The following PLCL2 variants were observed in gnomAD, a reference collection of about 807,000 sequenced individuals.
PLCL2 encodes phospholipase C like 2.
PLCL2 carries 4 observed loss-of-function variants against 79.6 expected under a neutral mutation model. That is an observed-to-expected ratio of 0.05 (90% CI 0.02 to 0.11). The LOEUF (loss-of-function observed/expected upper bound fraction) is 0.11, where lower values mean the gene tolerates loss of function less well. PLCL2 is among the 10% of genes least tolerant of loss of function. The pLI is 1.00. For missense variants in PLCL2, 895 were observed against 1,291.0 expected, an observed-to-expected ratio of 0.69 and a Z score of 4.70; for synonymous variants, 484 against 457.7, an observed-to-expected ratio of 1.06 and a Z score of -0.73.
intron 3 of PLCL2, among the ~76,000 whole-genome samples, chr3:17,031,862 GT>G (rs2064586176): frequency 6.9e-6 from 1 of 145,084 alleles, no homozygotes; most frequent in Non-Finnish European, 1.5e-5. Flanking sequence ...TTTCTGGATA[GT>G]TTTATAATTG....
At chr3:17,006,959 C>T (rs554384599) in intron 1 of PLCL2, among the ~76,000 whole-genome samples, 2 of 152,184 alleles carry the variant, frequency 1.3e-5, no homozygotes, top group East Asian at 3.9e-4. Context: ...TATTAATCAG[C>T]CTGTAAAAAT....
intron 4 of PLCL2, among the ~76,000 whole-genome samples, chr3:17,050,032 A>G (rs2064823435): frequency 6.6e-6 from 1 of 152,156 alleles, no homozygotes; most frequent in Admixed American, 6.6e-5. Context: ...AAATCCACAC[A>G]CCTACAATGA....
chr3:17,082,165 CAG>C (rs2065169397), intron 5 of PLCL2, among the ~76,000 whole-genome samples: 1 of 83,590 alleles, frequency 1.2e-5, no homozygotes. Context: ...TTTTTTGAGA[CAG>C]AGTTTTGTTC....
chr3:16,887,631 A>G lies in PLCL2; in HGVS notation c.327+2265A>G, dbSNP rs1217405215. On this transcript the variant is annotated intron_variant, in intron 1 of 5. Transcript: ENST00000615277. This position sits in a 1 kb window ranked among gnomAD's most constrained non-coding sequence, Gnocchi z 4.1. ...TCCCTTTGAATTGGTGCCTTGAAGCATCAAGATTTTTGGAATGTATTGTGG... is the reference window on the plus strand; with the variant it reads ...TCCCTTTGAATTGGTGCCTTGAAGCGTCAAGATTTTTGGAATGTATTGTGG... Among the ~76,000 whole-genome samples, 1 of 152,220 alleles carries G rather than the reference A, an allele frequency of 6.6e-6. No individual in the cohort carries two copies. The highest frequency in any genetic ancestry group is 1.5e-5 in the Non-Finnish European group (1 of 68,032).
intron 1 of PLCL2, among the ~76,000 whole-genome samples, chr3:16,970,330 T>C (rs1371751663): frequency 1.3e-5 from 2 of 151,858 alleles, no homozygotes; most frequent in African/African-American, 2.4e-5. Context: ...TTTGTTCTTG[T>C]AATAGTTTAC....
At chr3:17,036,535 A>G (rs1052237570) in intron 3 of PLCL2, among the ~76,000 whole-genome samples, 10 of 152,166 alleles carry the variant, frequency 6.6e-5, no homozygotes, top group African/African-American at 2.4e-4. Flanking sequence ...AAAAAGAGAG[A>G]TTATATTGTT....
At chr3:16,913,358 A>G (rs1369690557) in intron 1 of PLCL2, among the ~76,000 whole-genome samples, 6 of 151,202 alleles carry the variant, frequency 4.0e-5, no homozygotes, top group African/African-American at 1.5e-4. Flanking sequence ...TGTGCCCTGT[A>G]TCTTTTATCT....
At chr3:16,958,624 A>G (rs2063727936) in intron 1 of PLCL2, among the ~76,000 whole-genome samples, 4 of 152,240 alleles carry the variant, frequency 2.6e-5, no homozygotes, top group Admixed American at 2.6e-4. Flanking sequence ...TAATGTGTCA[A>G]ACTCTTATAT....
At chr3:16,964,904 T>A (rs960459239) in intron 1 of PLCL2, among the ~76,000 whole-genome samples, 1 of 152,194 alleles carries the variant, frequency 6.6e-6, no homozygotes, top group African/African-American at 2.4e-5. Context: ...GAGTTCATTG[T>A]AGATGCTGGA....
chr3:16,968,404 A>T (rs750642888), intron 1 of PLCL2, among the ~76,000 whole-genome samples: 5 of 152,112 alleles, frequency 3.3e-5, no homozygotes, highest in Non-Finnish European at 5.9e-5. Context: ...ATCCATGAGC[A>T]TGGAATGTTT....
intron 1 of PLCL2, among the ~76,000 whole-genome samples, chr3:16,950,570 T>G (rs918096225): frequency 2.0e-5 from 3 of 151,968 alleles, no homozygotes; most frequent in African/African-American, 7.2e-5. Flanking sequence ...TTGTTTTATT[T>G]TGCTTTTTTT....
rs142771673 is a variant in PLCL2 at position 16,946,333 on chromosome 3, G to A, written c.327+60967G>A. Among the ~76,000 whole-genome samples, 339 of 151,852 alleles carry A rather than the reference G, an allele frequency of 2.2e-3. 2 individuals are homozygous for A. The highest frequency in any genetic ancestry group is 7.7e-3 in the African/African-American group (317 of 41,424). ...CCACAGAAGAGAGTTTCCAGTCTTC[G>A]TTCTCCTTCAGTTACTATTGTTTTT... On this transcript the variant is annotated intron_variant, in intron 1 of 5. Transcript: ENST00000615277.
At chr3:16,889,618 T>A (rs1298881667) in intron 1 of PLCL2, among the ~76,000 whole-genome samples, 1 of 152,190 alleles carries the variant, frequency 6.6e-6, no homozygotes, top group East Asian at 1.9e-4. Context: ...ACTTTTACTG[T>A]CTTTATACTA....
intron 1 of PLCL2, among the ~76,000 whole-genome samples, chr3:16,994,959 C>G (rs554999188): frequency 7.9e-5 from 12 of 152,350 alleles, no homozygotes; most frequent in African/African-American, 2.9e-4. Flanking sequence ...ATTGGAGAAT[C>G]TGAATTAGAG....
rs569048692 is a variant in PLCL2 at position 16,961,664 on chromosome 3, A to G, written c.328-48010A>G. On this transcript the variant is annotated intron_variant, in intron 1 of 5. Transcript: ENST00000615277. Reference sequence around the variant, plus strand: ...GAATAACATTTCCAACCAGAATGGGACGCAGAAAGCAGCACCAGAAGCAGA... The same window carrying G: ...GAATAACATTTCCAACCAGAATGGGGCGCAGAAAGCAGCACCAGAAGCAGA... 1.1e-3 allele frequency among the ~76,000 whole-genome samples: 162 copies of G among 152,320 alleles called. 1 individual carries two copies. Among genetic ancestry groups the G allele is most frequent in the Non-Finnish European group, 2.0e-3 (135 of 68,034 alleles).
chr3:17,082,375 G>T (rs992148645), intron 5 of PLCL2, among the ~76,000 whole-genome samples: 5 of 151,352 alleles, frequency 3.3e-5, no homozygotes, highest in Non-Finnish European at 5.9e-5. Context: ...GAGGTGATCC[G>T]CCCGCCTCGG....
At chr3:16,940,154 C>A (rs990197118) in intron 1 of PLCL2, among the ~76,000 whole-genome samples, 2 of 152,134 alleles carry the variant, frequency 1.3e-5, no homozygotes, top group Non-Finnish European at 2.9e-5. Flanking sequence ...CCAGATGTCC[C>A]TCCCGGCGGG....
intron 3 of PLCL2, among the ~76,000 whole-genome samples, chr3:17,025,173 G>A (rs2064502871): frequency 6.6e-6 from 1 of 152,204 alleles, no homozygotes; most frequent in Non-Finnish European, 1.5e-5. Flanking sequence ...TAGAAAGTGT[G>A]TAAAGTTGCA....
chr3:16,935,290 T>C (rs547063072), intron 1 of PLCL2, among the ~76,000 whole-genome samples: 2 of 152,340 alleles, frequency 1.3e-5, no homozygotes, highest in East Asian at 3.9e-4. Flanking sequence ...TATTACTCTT[T>C]AGTTGCTTAA....
Sources: allele counts gnomAD v4.1 joint callset (sites outside exome capture counted in the v4.1 genomes callset), GRCh38; gene constraint gnomAD v4.1.1; non-coding constraint Gnocchi (gnomAD v3.1); transcripts MANE v1.5; gene names NCBI Gene and HGNC (gene_info 2026-07-23, HGNC 2026-07-21).